EIF2AK2: variants seen among roughly 807,000 people sequenced by gnomAD.
EIF2AK2 encodes interferon-induced, double-stranded RNA-activated protein kinase.
EIF2AK2 carries 40 observed loss-of-function variants against 70.5 expected under a neutral mutation model. The ratio of observed to expected loss-of-function variants is 0.57; its 90% confidence interval spans 0.44 to 0.74. The LOEUF (loss-of-function observed/expected upper bound fraction) is 0.74. EIF2AK2 is among the 30% of genes least tolerant of loss of function. EIF2AK2 has a pLI of 0.00. For missense variants in EIF2AK2, 555 were observed against 644.3 expected (o/e 0.86, Z 1.50); for synonymous variants, 198 against 220.9 (o/e 0.90, Z 0.92).
rs1201591091 is a variant in EIF2AK2, at chr2:37,099,734, G to A, written c.*7539C>T. Reference sequence around the variant, plus strand: ...GTTCATAGTAGCATTATTCATGGTAGCCAAAAAGTACAAACAACCCAAATG... The same window carrying A: ...GTTCATAGTAGCATTATTCATGGTAACCAAAAAGTACAAACAACCCAAATG... On this transcript the variant is annotated 3_prime_UTR_variant, in exon 17 of 17. Coordinates refer to ENST00000233057, the MANE Select transcript of EIF2AK2 (RefSeq NM_001135651.3). 1 of 152,104 alleles carries A rather than the reference G, an allele frequency of 6.6e-6. No homozygotes were observed. Among genetic ancestry groups the A allele is most frequent in the Non-Finnish European group, 1.5e-5 (1 of 68,024 alleles). The allele number at this position is 152,104 out of a possible 1,614,324, so 9.4% of individuals were successfully genotyped here.
At chr2:37,113,872 T>A (rs1200582885) in intron 14 of EIF2AK2, among the ~76,000 whole-genome samples, 1 of 152,184 alleles carries the variant, frequency 6.6e-6, no homozygotes, top group Non-Finnish European at 1.5e-5. Flanking sequence ...ATTATTAGAA[T>A]CACTTTTTTT....
At chr2:37,125,004 T>C (rs1674682315) in intron 11 of EIF2AK2, among the ~76,000 whole-genome samples, 5 of 151,942 alleles carry the variant, frequency 3.3e-5, no homozygotes, top group Admixed American at 2.6e-4. Flanking sequence ...GTATTCTTTT[T>C]ATTATTTTTA....
chr2:37,120,223 A>C, intron 12 of EIF2AK2, 84 bp from the exon 13 acceptor site: 1 of 966,284 alleles, frequency 1.0e-6, no homozygotes, highest in Non-Finnish European at 1.3e-6. Flanking sequence ...AAAGTTTTTC[A>C]TAACTTTTTA....
At chr2:37,139,497 G>A (rs769531759) in intron 6 of EIF2AK2, 134 bp downstream of exon 6, 111 of 1,279,740 alleles carry the variant, frequency 8.7e-5, no homozygotes, top group Non-Finnish European at 1.1e-4. Flanking sequence ...ATGGCTCATC[G>A]GTACGACACA....
At chr2:37,137,096 T>A in intron 8 of EIF2AK2, 79 bp from the exon 9 acceptor site, 2 of 1,262,966 alleles carry the variant, frequency 1.6e-6, no homozygotes, top group Non-Finnish European at 2.2e-6. Context: ...TCCTCCTGTA[T>A]ATCTAGATGG....
intron 4 of EIF2AK2, among the ~76,000 whole-genome samples, chr2:37,146,337 G>A (rs979505223): frequency 6.6e-6 from 1 of 152,128 alleles, no homozygotes; most frequent in Non-Finnish European, 1.5e-5. Context: ...ATGCATAACT[G>A]TATATGGGAA....
At position 37,105,971 on chromosome 2, in the gene EIF2AK2, T is replaced by C. The variant is rs1673952738; in HGVS notation, c.*1302A>G. The C allele has an allele frequency of 6.6e-6, 1 of 152,222 alleles. No individual in the cohort carries two copies. Among genetic ancestry groups the C allele is most frequent in the South Asian group, 2.1e-4 (1 of 4,832 alleles). The allele number at this position is 152,222 out of a possible 1,614,324, so 9.4% of individuals were successfully genotyped here. On this transcript the variant is annotated 3_prime_UTR_variant, in exon 17 of 17. Transcript: ENST00000233057. ...TACAGCACGGTTGTCTTTAAAGTGG[T>C]TGTTACAATAGATACAAAATGTATT...
At chr2:37,126,967 G>GAAAAAAAAAAAAAAAAAAAAAAAAA (rs57802509) in intron 10 of EIF2AK2, among the ~76,000 whole-genome samples, 3 of 52,156 alleles carry the variant, frequency 5.8e-5, no homozygotes, top group South Asian at 8.9e-4. Context: ...CAAAAAAACA[G>GAAAAAAAAAAAAAAAAAAAAAAAAA]AAAAAAAAAA....
intron 1 of EIF2AK2, among the ~76,000 whole-genome samples, chr2:37,154,293 C>G (rs1372399565): frequency 1.3e-5 from 2 of 151,334 alleles, no homozygotes; most frequent in African/African-American, 4.9e-5. Context: ...CCATTGCACT[C>G]CAGCCTGGGC....
At position 37,111,933 on chromosome 2, in the gene EIF2AK2, C is replaced by CTA. The variant is rs1391418376; in HGVS notation, c.1378-2639_1378-2638insTA. Among the ~76,000 whole-genome samples the CTA allele has an allele frequency of 1.5e-3, 197 of 134,044 alleles. 1 individual carries two copies. The highest frequency in any genetic ancestry group is 2.2e-3 in the Non-Finnish European group (143 of 63,882). The allele number at this position is 134,044 out of a possible 152,430, so 87.9% of individuals were successfully genotyped here. A position where few individuals can be genotyped will look rare whatever the true frequency, so the allele number is the denominator to read the frequency against. On this transcript the variant is annotated intron_variant, in intron 14 of 16. Transcript: ENST00000233057. ...TATATCATAATAAATCTCTCTCTCT[C>CTA]TCTCTCTATATATATATATATATAG...
rs1327035233 is a variant in EIF2AK2 at position 37,146,872 on chromosome 2, A to G, written c.221T>C (p.Ile74Thr). Reference protein sequence around the residue: ...KNAAAKLAVEILNKEKKAVSP... With the variant: ...KNAAAKLAVETLNKEKKAVSP... ...ACTCACCTTCTTTTCCTTATTAAGT[A>G]TCTCAACAGCTAATTTGGCTGCGGC... Residue 74 changes from isoleucine to threonine, a missense_variant, in exon 4 of 17, where the codon ATA (isoleucine) becomes ACA (threonine). Ile to Thr is a moderately conservative substitution (Grantham distance 89, BLOSUM62 -1). Transcript: ENST00000233057. The G allele has an allele frequency of 2.5e-6, 4 of 1,613,662 alleles. No individual in the cohort carries two copies. In the East Asian group the frequency reaches 8.9e-5, roughly 36 times the overall value.
chr2:37,132,053 A>G (rs1674959850), intron 10 of EIF2AK2, among the ~76,000 whole-genome samples: 1 of 152,200 alleles, frequency 6.6e-6, no homozygotes, highest in South Asian at 2.1e-4. Flanking sequence ...CTTCCAAAAA[A>G]GGCTGCAGTT....
chr2:37,122,676 G>C lies in EIF2AK2; in HGVS notation c.909-12C>G. The C allele has an allele frequency of 1.9e-6, 3 of 1,614,020 alleles. No homozygotes were observed. The highest frequency in any genetic ancestry group is 1.7e-6 in the Non-Finnish European group (2 of 1,180,002). Reference sequence around the variant, plus strand: ...CACGCTCCGCCTTCCTAGTTAAAAGGAACAGGGAACATGGCAGTGTCAGTG... The same window carrying C: ...CACGCTCCGCCTTCCTAGTTAAAAGCAACAGGGAACATGGCAGTGTCAGTG... On this transcript the variant is annotated splice_polypyrimidine_tract_variant and intron_variant, in intron 11 of 16. Coordinates refer to ENST00000233057, the MANE Select transcript of EIF2AK2 (RefSeq NM_001135651.3).
In EIF2AK2 at chr2:37,126,278, T is replaced by A. The variant is rs1295842143; in HGVS notation, c.908+11A>T. The A allele has an allele frequency of 2.5e-6, 4 of 1,575,708 alleles. No individual in the cohort carries two copies. The highest frequency in any genetic ancestry group is 3.4e-6 in the Non-Finnish European group (4 of 1,161,692). On this transcript the variant is annotated intron_variant, in intron 11 of 16. Transcript: ENST00000233057. Reference sequence around the variant, plus strand: ...TTGCCATTCAAAAAAATGTAAACATTTACTACTTACTCGTTATTATATTTA... The same window carrying A: ...TTGCCATTCAAAAAAATGTAAACATATACTACTTACTCGTTATTATATTTA...
chr2:37,145,242 A>C (rs1385598571), intron 4 of EIF2AK2, among the ~76,000 whole-genome samples: 2 of 148,950 alleles, frequency 1.3e-5, no homozygotes, highest in African/African-American at 4.9e-5. Context: ...TCCTGAGTTC[A>C]AGCAATTCTC....
At chr2:37,115,078 C>CG in intron 13 of EIF2AK2, 1 of 195,632 alleles carries the variant, frequency 5.1e-6, no homozygotes, top group South Asian at 1.0e-4. Context: ...GCCGGAGTCT[C>CG]GCTCTGTCAC....
intron 2 of EIF2AK2, 90 bp downstream of exon 2, chr2:37,148,767 T>C (rs1320614006): frequency 3.0e-5 from 25 of 826,658 alleles, no homozygotes; most frequent in Non-Finnish European, 8.6e-6. Flanking sequence ...CCATTTAACA[T>C]ACACAAAAAA....
At chr2:37,135,343 A>AG in intron 10 of EIF2AK2, 141 bp downstream of exon 10, 1 of 667,234 alleles carries the variant, frequency 1.5e-6, no homozygotes, top group Non-Finnish European at 2.6e-6. Context: ...GATAAGCCTA[A>AG]GACTATTGTT....
At chr2:37,153,939 A>G (rs1421002250) in intron 1 of EIF2AK2, among the ~76,000 whole-genome samples, 1 of 152,222 alleles carries the variant, frequency 6.6e-6, no homozygotes, top group Non-Finnish European at 1.5e-5. Context: ...TTCCACCAGC[A>G]ATGCACGAGG....
Sources: gnomAD v4.1 joint callset for allele counts (sites outside exome capture counted in the v4.1 genomes callset) on GRCh38, gnomAD v4.1.1 for gene constraint, MANE v1.5 for transcripts, NCBI Gene and HGNC (gene_info 2026-07-23, HGNC 2026-07-21) for gene names.